The following PRICKLE1 variants were observed in gnomAD, a reference collection of about 807,000 sequenced individuals.
PRICKLE1 encodes the protein prickle planar cell polarity protein 1.
Under a neutral mutation model 70.2 loss-of-function variants are expected in PRICKLE1, and 14 were observed. The ratio of observed to expected loss-of-function variants is 0.20; its 90% CI spans 0.13 to 0.31. The LOEUF (loss-of-function observed/expected upper bound fraction) is 0.31, where lower values mean the gene tolerates loss of function less well. Among genes scored for constraint, PRICKLE1 ranks in the 10% least tolerant of loss-of-function variants. The pLI, the probability that PRICKLE1 is intolerant of heterozygous loss-of-function variation, is 1.00. For missense variants in PRICKLE1, 821 were observed against 1,026.2 expected (o/e 0.80, Z 2.73); for synonymous variants, 357 against 379.9 (o/e 0.94, Z 0.70).
intron 1 of PRICKLE1, among the ~76,000 whole-genome samples, chr12:42,518,958 C>T (rs1334296662): frequency 6.6e-6 from 1 of 152,028 alleles, no homozygotes; most frequent in African/African-American, 2.4e-5. Context: ...AAATGAAATG[C>T]ACCATGGCTT....
intron 1 of PRICKLE1, chr12:42,483,453 C>G (rs1240095280): frequency 1.3e-5 from 2 of 151,976 alleles, no homozygotes; most frequent in African/African-American, 4.8e-5. Flanking sequence ...GCGCACTAGC[C>G]GCCCGCCCGC....
intron 1 of PRICKLE1, among the ~76,000 whole-genome samples, chr12:42,555,532 G>C (rs1225969994): frequency 6.6e-6 from 1 of 151,986 alleles, no homozygotes; most frequent in African/African-American, 2.4e-5. Flanking sequence ...ATTTACCTGA[G>C]TATTACATAC....
Position 42,465,246 on chromosome 12 carries a change from G to A in PRICKLE1, c.788C>T (p.Ala263Val). ...TCGEHIGVDH[A>V]QMTYDGQHWH... Reference sequence around the variant, plus strand: ...GTGCTGCCCGTCATAGGTCATCTGTGCATGGTCCACACCTGTTTTGAAAAG... The same window carrying A: ...GTGCTGCCCGTCATAGGTCATCTGTACATGGTCCACACCTGTTTTGAAAAG... Residue 263 changes from alanine to valine, a missense_variant, in exon 7 of 8, where the codon GCA (alanine) becomes GTA (valine). Physicochemically the swap from Ala to Val is moderately conservative, Grantham distance 64. Transcript: ENST00000345127. 5 of 1,614,132 alleles carry A rather than the reference G, an allele frequency of 3.1e-6. No homozygotes were observed. Among genetic ancestry groups the A allele is most frequent in the Non-Finnish European group, 4.2e-6 (5 of 1,180,002 alleles).
rs866121152 is a variant in PRICKLE1 at position 42,468,834 on chromosome 12, A to G, written c.385-5T>C. On this transcript the variant is annotated splice_region_variant and splice_polypyrimidine_tract_variant and intron_variant, in intron 4 of 7. Transcript: ENST00000345127. ...TCCATTTATCTTCAAACCACACTACAAACAAATGGGTTTGAATGTAAAAGG... is the reference window on the plus strand; with the variant it reads ...TCCATTTATCTTCAAACCACACTACGAACAAATGGGTTTGAATGTAAAAGG... The G allele has an allele frequency of 6.2e-7, 1 of 1,613,724 alleles. No homozygotes were observed. Among genetic ancestry groups the G allele is most frequent in the Middle Eastern group, 1.7e-4 (1 of 6,060 alleles).
At chr12:42,569,996 C>T (rs756586076) in intron 1 of PRICKLE1, among the ~76,000 whole-genome samples, 3 of 152,216 alleles carry the variant, frequency 2.0e-5, no homozygotes, top group Non-Finnish European at 2.9e-5. Flanking sequence ...AATGTCCCAG[C>T]GTGATGTTAG....
chr12:42,489,269 C>G (rs1284912540), intron 1 of PRICKLE1, among the ~76,000 whole-genome samples: 1 of 150,198 alleles, frequency 6.7e-6, no homozygotes, highest in Non-Finnish European at 1.5e-5. Context: ...GTCACCAGAC[C>G]CTATAAATAT....
intron 1 of PRICKLE1, among the ~76,000 whole-genome samples, chr12:42,478,375 T>C (rs916668153): frequency 1.3e-4 from 20 of 152,184 alleles, no homozygotes; most frequent in African/African-American, 2.7e-4. Flanking sequence ...ATTTTGAATG[T>C]AAATAAACCT....
chr12:42,478,039 G>A lies in PRICKLE1; in HGVS notation c.-48-5475C>T, dbSNP rs146158614. ...GTTGCAATAGTAAAAGAACTCTGAT[G>A]CATCCCTTACCCAGACTCATCAATG... is the stretch of plus-strand genomic sequence containing the variant. On this transcript the variant is annotated intron_variant, in intron 1 of 7. Transcript: ENST00000345127. Among the ~76,000 whole-genome samples, 1,110 of 148,642 alleles carry A rather than the reference G, an allele frequency of 7.5e-3. 8 individuals carry two copies. The highest frequency in any genetic ancestry group is 0.031 in the East Asian group (156 of 5,034).
intron 1 of PRICKLE1, chr12:42,483,472 T>C (rs1938881099): frequency 6.6e-6 from 1 of 151,692 alleles, no homozygotes; most frequent in African/African-American, 2.4e-5. Flanking sequence ...GCTCTGCGTC[T>C]GAAGGAGGCT....
intron 2 of PRICKLE1, 120 bp downstream of exon 2, chr12:42,472,265 G>T: frequency 4.5e-6 from 5 of 1,113,702 alleles, no homozygotes; most frequent in Non-Finnish European, 6.6e-6. Flanking sequence ...GAAGAATAAG[G>T]ACTGAGGAGG....
intron 1 of PRICKLE1, among the ~76,000 whole-genome samples, chr12:42,579,650 G>A (rs141903631): frequency 6.6e-6 from 1 of 152,286 alleles, no homozygotes; most frequent in East Asian, 1.9e-4. Context: ...GGAAGAAGGT[G>A]CTAAAGCTAG....
At chr12:42,497,046 G>A (rs909248280) in intron 1 of PRICKLE1, among the ~76,000 whole-genome samples, 3 of 152,180 alleles carry the variant, frequency 2.0e-5, no homozygotes, top group Non-Finnish European at 4.4e-5. Context: ...CTTTTAACAT[G>A]TCTTACTCAC....
At chr12:42,500,368 T>C (rs561073580) in intron 1 of PRICKLE1, among the ~76,000 whole-genome samples, 1 of 152,242 alleles carries the variant, frequency 6.6e-6, no homozygotes, top group Non-Finnish European at 1.5e-5. Context: ...ATAGTTGCTC[T>C]GTTGCCTATT....
chr12:42,533,916 C>T (rs1320027351), intron 1 of PRICKLE1, among the ~76,000 whole-genome samples: 1 of 152,162 alleles, frequency 6.6e-6, no homozygotes, highest in South Asian at 2.1e-4. Context: ...TCAACATTTT[C>T]TCTCAATATT....
chr12:42,465,227 C>G lies in PRICKLE1; in HGVS notation c.807G>C (p.Gly269=). Residue 269 remains glycine, a synonymous_variant, in exon 7 of 8, where the codon GGG becomes GGC. Coordinates refer to ENST00000345127, the MANE Select transcript of PRICKLE1 (RefSeq NM_153026.3). The part of the protein sequence containing the change: ...GVDHAQMTYD[G]QHWHATEACF... ...AGGCTTCCGTGGCGTGCCAGTGCTG[C>G]CCGTCATAGGTCATCTGTGCATGGT... 1 of 1,613,900 alleles carries G rather than the reference C, an allele frequency of 6.2e-7. No individual in the cohort carries two copies. The highest frequency in any genetic ancestry group is 8.5e-7 in the Non-Finnish European group (1 of 1,179,974).
In PRICKLE1 at chr12:42,498,176, C is replaced by CTT. The variant is rs59478495; in HGVS notation, c.-48-25614_-48-25613dup. Among the ~76,000 whole-genome samples, 107 of 137,830 alleles carry CTT rather than the reference C, an allele frequency of 7.8e-4. 1 individual carries two copies. Among genetic ancestry groups the CTT allele is most frequent in the African/African-American group, 2.2e-3 (82 of 36,608 alleles). 90.4% of individuals were successfully genotyped at this position (137,830 alleles called of 152,430 possible). A position where few individuals can be genotyped will look rare whatever the true frequency, so the allele number is the denominator to read the frequency against. On this transcript the variant is annotated intron_variant, in intron 1 of 7. Coordinates refer to ENST00000345127, the MANE Select transcript of PRICKLE1 (RefSeq NM_153026.3). ...TTTTCTTTTTTTCTTTTCTCTCTCT[C>CTT]TTTTTTTTTTTTTGGAGACAGGGTC...
At position 42,459,633 on chromosome 12, in the gene PRICKLE1, G is replaced by A. The variant is rs1937718844; in HGVS notation, c.*176C>T. On this transcript the variant is annotated 3_prime_UTR_variant, in exon 8 of 8. Transcript: ENST00000345127. The stretch of plus-strand genomic sequence containing the variant: ...TGGCACCATCCAAAGAGGGTAAATT[G>A]GAGAAATCACACCTTTCAAATGTTA... The A allele has an allele frequency of 2.5e-6, 2 of 796,748 alleles. No individual in the cohort carries two copies. The highest frequency in any genetic ancestry group is 4.1e-6 in the Non-Finnish European group (2 of 486,140). 49.4% of individuals were successfully genotyped at this position (796,748 alleles called of 1,614,324 possible). A position where few individuals can be genotyped will look rare whatever the true frequency, so the allele number is the denominator to read the frequency against.
Position 42,469,389 on chromosome 12 carries a change from C to A in PRICKLE1, c.384+61G>T, listed in dbSNP as rs183358832. On this transcript the variant is annotated intron_variant, in intron 4 of 7. Transcript: ENST00000345127. ...CTCTGCTAGTCCAGTCACCTACCCC[C>A]GACTGTCCACCCCATCCACATCACT... The A allele has an allele frequency of 3.6e-5, 57 of 1,604,524 alleles. No homozygotes were observed. In the African/African-American group the frequency reaches 6.4e-4, roughly 18 times the overall value.
chr12:42,558,555 G>C (rs759926712), intron 1 of PRICKLE1, among the ~76,000 whole-genome samples: 5 of 152,220 alleles, frequency 3.3e-5, no homozygotes, highest in Non-Finnish European at 4.4e-5. Flanking sequence ...GACCCTGCTT[G>C]CCTGGGTCCC....
Sources: allele counts gnomAD v4.1 joint callset (sites outside exome capture counted in the v4.1 genomes callset), GRCh38; gene constraint gnomAD v4.1.1; transcripts MANE v1.5; gene names NCBI Gene and HGNC (gene_info 2026-07-23, HGNC 2026-07-21).